Variants in PACRG observed in about 807,000 individuals in gnomAD.
The protein encoded by PACRG is parkin coregulated gene protein.
In PACRG, 29 loss-of-function variants were observed where a neutral mutation model predicts 29.7. The ratio of observed to expected loss-of-function variants is 0.98; its 90% CI spans 0.73 to 1.33. The LOEUF is 1.33. Among genes scored for constraint, PACRG ranks in the 40% most tolerant of loss-of-function variants. PACRG has a pLI of 0.00. For missense variants in PACRG, 279 were observed against 316.2 expected (o/e 0.88, Z 0.89); for synonymous variants, 116 against 118.7 (o/e 0.98, Z 0.15).
intron 4 of PACRG, among the ~76,000 whole-genome samples, chr6:163,231,277 C>A (rs1337594765): frequency 6.6e-6 from 1 of 152,222 alleles, no homozygotes; most frequent in Non-Finnish European, 1.5e-5. Flanking sequence ...TTTCTTATGT[C>A]CTGTGACCCA....
intron 4 of PACRG, among the ~76,000 whole-genome samples, chr6:163,277,635 G>A (rs1032591748): frequency 6.9e-6 from 1 of 145,160 alleles, no homozygotes; most frequent in Non-Finnish European, 1.5e-5. Context: ...ATATACATAC[G>A]TGTATATATA....
At chr6:162,875,245 TCACACACAGACATG>T (rs1793218331) in intron 2 of PACRG, among the ~76,000 whole-genome samples, 1 of 140,430 alleles carries the variant, frequency 7.1e-6, no homozygotes, top group African/African-American at 2.7e-5. Context: ...GCACAGACAT[TCACACACAGACATG>T]CACACACAGT....
chr6:163,111,031 T>C (rs747549835), intron 4 of PACRG, among the ~76,000 whole-genome samples: 3 of 152,246 alleles, frequency 2.0e-5, no homozygotes, highest in African/African-American at 4.8e-5. Flanking sequence ...CTCCTTCCGC[T>C]TCTTACATCT....
chr6:163,050,021 ACT>A (rs1227717513), intron 2 of PACRG, among the ~76,000 whole-genome samples: 1 of 152,076 alleles, frequency 6.6e-6, no homozygotes, highest in Non-Finnish European at 1.5e-5. Context: ...CACTTTATAA[ACT>A]AATTCAGAAC....
intron 2 of PACRG, among the ~76,000 whole-genome samples, chr6:162,978,275 T>C (rs140581886): frequency 6.6e-6 from 1 of 152,346 alleles, no homozygotes; most frequent in African/African-American, 2.4e-5. Flanking sequence ...TTTATAGATA[T>C]TTAAAAGAAC....
chr6:162,923,109 A>T (rs1293896241), intron 2 of PACRG, among the ~76,000 whole-genome samples: 1 of 152,140 alleles, frequency 6.6e-6, no homozygotes, highest in African/African-American at 2.4e-5. Context: ...CTTGATTTGC[A>T]TTTCCCTGAT....
chr6:162,730,410 T>G (rs1385334091), intron 1 of PACRG, among the ~76,000 whole-genome samples: 3 of 152,218 alleles, frequency 2.0e-5, no homozygotes, highest in Non-Finnish European at 2.9e-5. Flanking sequence ...AACCTCATGC[T>G]CCAAGAGCCA....
At chr6:163,202,455 A>G (rs1410970617) in intron 4 of PACRG, among the ~76,000 whole-genome samples, 1 of 152,142 alleles carries the variant, frequency 6.6e-6, no homozygotes, top group Non-Finnish European at 1.5e-5. Context: ...GAGCATACAT[A>G]TGTATGTGTG....
intron 2 of PACRG, among the ~76,000 whole-genome samples, chr6:162,914,501 CTTTTTTGTTTTT>C (rs1290641023): frequency 1.8e-4 from 13 of 73,224 alleles, no homozygotes; most frequent in Admixed American, 5.2e-4. Flanking sequence ...AAGTTTTGTA[CTTTTTTGTTTTT>C]TTTTTTTTTT....
intron 1 of PACRG, among the ~76,000 whole-genome samples, chr6:162,747,363 T>C (rs866524261): frequency 0.02 from 703 of 35,174 alleles, 99 homozygotes; most frequent in South Asian, 0.099. Context: ...TATATATATA[T>C]ACACATACAT....
At chr6:163,054,838 C>T (rs1489454186) in intron 2 of PACRG, among the ~76,000 whole-genome samples, 2 of 152,128 alleles carry the variant, frequency 1.3e-5, no homozygotes, top group African/African-American at 2.4e-5. Flanking sequence ...TGTGTGGCTC[C>T]TCCCAGTGGG....
intron 2 of PACRG, among the ~76,000 whole-genome samples, chr6:162,849,250 C>T (rs1790664166): frequency 6.6e-6 from 1 of 152,148 alleles, no homozygotes; most frequent in East Asian, 1.9e-4. Flanking sequence ...TAATCACACA[C>T]ATGTAAAGGA....
intron 2 of PACRG, among the ~76,000 whole-genome samples, chr6:162,824,490 G>A (rs987838965): frequency 5.3e-5 from 8 of 152,050 alleles, no homozygotes; most frequent in Non-Finnish European, 1.5e-5. Context: ...CTGCACATTT[G>A]TTATTATACA....
chr6:163,110,204 G>A (rs191248111), intron 4 of PACRG, among the ~76,000 whole-genome samples: 1 of 152,302 alleles, frequency 6.6e-6, no homozygotes, highest in African/African-American at 2.4e-5. Flanking sequence ...GCAGATTCAT[G>A]ACGCCAGTCT....
At chr6:162,929,978 A>G (rs774761958) in intron 2 of PACRG, among the ~76,000 whole-genome samples, 2 of 151,794 alleles carry the variant, frequency 1.3e-5, no homozygotes, top group Non-Finnish European at 2.9e-5. Context: ...TTTGGTTGCT[A>G]TAGCTTCGTA....
intron 2 of PACRG, among the ~76,000 whole-genome samples, chr6:162,947,583 C>CATATATATATATAATCAT (rs746673462): frequency 4.8e-5 from 2 of 42,052 alleles, no homozygotes; most frequent in Non-Finnish European, 8.2e-5. Context: ...CATATATAAT[C>CATATATATATATAATCAT]ATATATATAA....
At chr6:162,942,605 C>T (rs142738938) in intron 2 of PACRG, among the ~76,000 whole-genome samples, 12 of 152,196 alleles carry the variant, frequency 7.9e-5, no homozygotes, top group Admixed American at 3.3e-4. Flanking sequence ...TGGAACTGGA[C>T]GGAAACTCTT....
At chr6:163,022,194 A>G (rs771604679) in intron 2 of PACRG, among the ~76,000 whole-genome samples, 4 of 152,160 alleles carry the variant, frequency 2.6e-5, no homozygotes, top group Non-Finnish European at 5.9e-5. Context: ...GGATTTATTG[A>G]GCACCTACTA....
intron 4 of PACRG, among the ~76,000 whole-genome samples, chr6:163,225,533 T>C (rs531287020): frequency 2.1e-4 from 32 of 152,338 alleles, no homozygotes; most frequent in African/African-American, 6.5e-4. Context: ...AGTATCTTTA[T>C]AGCAGTGTGA....
Sources: gnomAD v4.1 joint callset for allele counts (sites outside exome capture counted in the v4.1 genomes callset) on GRCh38, gnomAD v4.1.1 for gene constraint, MANE v1.5 for transcripts, NCBI Gene and HGNC (gene_info 2026-07-23, HGNC 2026-07-21) for gene names.